LDLRAD3: variants seen among roughly 807,000 people sequenced by gnomAD.
The protein encoded by LDLRAD3 is low density lipoprotein receptor class A domain containing 3, also known as low-density lipoprotein receptor class A domain-containing protein 3.
In LDLRAD3, 20 loss-of-function variants were observed where a neutral mutation model predicts 29.4. The ratio of observed to expected loss-of-function variants is 0.68; its 90% CI spans 0.48 to 0.99. The LOEUF (loss-of-function observed/expected upper bound fraction) is 0.99, where lower values mean the gene tolerates loss of function less well. Among genes scored for constraint, LDLRAD3 ranks in the 50% least tolerant of loss-of-function variants. The pLI is 0.00. For synonymous variants in LDLRAD3, 157 were observed against 192.7 expected (o/e 0.81, Z 1.53); for missense variants, 420 against 454.3 (o/e 0.92, Z 0.69).
chr11:36,111,796 C>T (rs138132064), intron 4 of LDLRAD3, among the ~76,000 whole-genome samples: 532 of 152,270 alleles, frequency 3.5e-3, no homozygotes, highest in Non-Finnish European at 5.8e-3. Flanking sequence ...GATGGGGTTT[C>T]GCCATCTTGG....
intron 2 of LDLRAD3, among the ~76,000 whole-genome samples, chr11:36,071,263 C>A (rs373290758): frequency 5.3e-5 from 8 of 152,174 alleles, no homozygotes; most frequent in Admixed American, 2.0e-4. Context: ...ATCAGCCCAT[C>A]GCAGACAATC....
intron 1 of LDLRAD3, among the ~76,000 whole-genome samples, chr11:35,975,401 C>T (rs959632489): frequency 4.6e-5 from 7 of 152,144 alleles, no homozygotes. Flanking sequence ...GGATTAGTGC[C>T]AATCTCTCTC....
In LDLRAD3 at chr11:36,231,966, C is replaced by T. The variant is rs1331212584; in HGVS notation, c.*2569C>T. 6.6e-6 allele frequency: 1 copy of T among 152,192 alleles called. No individual in the cohort carries two copies. The highest frequency in any genetic ancestry group is 2.4e-5 in the African/African-American group (1 of 41,432). 9.4% of individuals were successfully genotyped at this position (152,192 alleles called of 1,614,324 possible). A position where few individuals can be genotyped will look rare whatever the true frequency, so the allele number is the denominator to read the frequency against. On this transcript the variant is annotated 3_prime_UTR_variant, in exon 6 of 6. Coordinates refer to ENST00000315571, the MANE Select transcript of LDLRAD3 (RefSeq NM_174902.4). ...GGCCTATTACCTGACTCAGCTCCCT[C>T]TACCTTGAAATTGACATTTTTAAAA...
intron 2 of LDLRAD3, among the ~76,000 whole-genome samples, chr11:36,065,983 T>C (rs1312886106): frequency 6.6e-6 from 1 of 152,100 alleles, no homozygotes; most frequent in Non-Finnish European, 1.5e-5. Context: ...ACCTCAAGGT[T>C]TGCTAGGAGC....
chr11:36,048,760 G>C (rs1852488881), intron 2 of LDLRAD3, among the ~76,000 whole-genome samples: 1 of 152,108 alleles, frequency 6.6e-6, no homozygotes, highest in Non-Finnish European at 1.5e-5. Context: ...CATCTCCCTT[G>C]GTCCCTCCTA....
intron 2 of LDLRAD3, among the ~76,000 whole-genome samples, chr11:36,056,707 G>A (rs528607664): frequency 2.6e-5 from 4 of 152,320 alleles, no homozygotes; most frequent in East Asian, 1.9e-4. Flanking sequence ...GAAGGGTGCA[G>A]CAGTGGCTTG....
At position 36,199,116 on chromosome 11, in the gene LDLRAD3, G is replaced by A. The variant is rs148996338; in HGVS notation, c.455-27969G>A. On this transcript the variant is annotated intron_variant, in intron 4 of 5. Coordinates refer to ENST00000315571, the MANE Select transcript of LDLRAD3 (RefSeq NM_174902.4). ...GGGGTTTCACCTTATTAGCCAGGAT[G>A]GTCTTGATCTCCTAACCTCGTGATC... is the stretch of plus-strand genomic sequence containing the variant. Among the ~76,000 whole-genome samples the A allele has an allele frequency of 9.9e-3, 1,513 of 152,142 alleles. 28 individuals carry two copies. Among genetic ancestry groups the A allele is most frequent in the African/African-American group, 0.033 (1,351 of 41,502 alleles).
intron 1 of LDLRAD3, among the ~76,000 whole-genome samples, chr11:35,966,484 AT>A (rs1277082828): frequency 6.6e-6 from 1 of 152,206 alleles, no homozygotes; most frequent in Non-Finnish European, 1.5e-5. Context: ...CATAAAAAGG[AT>A]TTGGATAAAG....
chr11:36,226,949 C>A, intron 4 of LDLRAD3, 136 bp from the exon 5 acceptor site: 1 of 656,710 alleles, frequency 1.5e-6, no homozygotes, highest in Non-Finnish European at 2.7e-6. Flanking sequence ...GACATTTGGG[C>A]GGTTTCCACT....
At chr11:36,022,084 G>A (rs1418031375) in intron 1 of LDLRAD3, among the ~76,000 whole-genome samples, 1 of 152,146 alleles carries the variant, frequency 6.6e-6, no homozygotes. Flanking sequence ...ACACTGTGGC[G>A]CACGTTATTT....
chr11:36,054,182 G>A (rs1300764208), intron 2 of LDLRAD3, among the ~76,000 whole-genome samples: 1 of 152,158 alleles, frequency 6.6e-6, no homozygotes, highest in East Asian at 1.9e-4. Flanking sequence ...TCCAGACAGT[G>A]GGAGTACAAA....
chr11:36,152,308 A>G (rs879606046), intron 4 of LDLRAD3, among the ~76,000 whole-genome samples: 2 of 152,264 alleles, frequency 1.3e-5, no homozygotes, highest in African/African-American at 2.4e-5. Context: ...ACCAGATGCT[A>G]TCAGAGACAG....
intron 2 of LDLRAD3, among the ~76,000 whole-genome samples, chr11:36,058,974 A>G (rs1852660865): frequency 6.6e-6 from 1 of 151,956 alleles, no homozygotes; most frequent in Non-Finnish European, 1.5e-5. Context: ...CACTGTTGTC[A>G]CTCCCTGGAC....
intron 1 of LDLRAD3, among the ~76,000 whole-genome samples, chr11:35,985,089 C>G (rs1851593020): frequency 6.6e-6 from 1 of 152,006 alleles, no homozygotes; most frequent in Non-Finnish European, 1.5e-5. Flanking sequence ...TCATGCCAGG[C>G]TCACTTTTTA....
intron 4 of LDLRAD3, among the ~76,000 whole-genome samples, chr11:36,210,808 AC>A (rs1172118907): frequency 6.6e-6 from 1 of 152,236 alleles, no homozygotes; most frequent in Admixed American, 6.5e-5. Context: ...CAAGATTGAG[AC>A]CAAGTTTGCC....
intron 4 of LDLRAD3, among the ~76,000 whole-genome samples, chr11:36,126,047 C>T (rs567260029): frequency 2.1e-4 from 32 of 152,256 alleles, no homozygotes; most frequent in African/African-American, 7.2e-4. Context: ...TCTGCGCCTG[C>T]GATGCTCCTC....
chr11:35,979,877 G>T (rs2133155616), intron 1 of LDLRAD3, among the ~76,000 whole-genome samples: 2 of 152,282 alleles, frequency 1.3e-5, no homozygotes, highest in Middle Eastern at 3.4e-3. Context: ...CTATTCTACT[G>T]GATATATCCT....
intron 1 of LDLRAD3, among the ~76,000 whole-genome samples, chr11:35,999,824 G>C (rs1851800986): frequency 6.6e-6 from 1 of 152,180 alleles, no homozygotes; most frequent in Non-Finnish European, 1.5e-5. Context: ...CTACTCATGA[G>C]GGCCCCAGGC....
intron 4 of LDLRAD3, among the ~76,000 whole-genome samples, chr11:36,166,983 T>C (rs1211225292): frequency 6.6e-6 from 1 of 152,198 alleles, no homozygotes; most frequent in African/African-American, 2.4e-5. Flanking sequence ...CTTATTTGGA[T>C]ATAGTTTTTG....
Sources: allele counts gnomAD v4.1 joint callset (sites outside exome capture counted in the v4.1 genomes callset), GRCh38; gene constraint gnomAD v4.1.1; transcripts MANE v1.5; gene names NCBI Gene and HGNC (gene_info 2026-07-23, HGNC 2026-07-21).